Variants in RAP2A observed in about 807,000 individuals in gnomAD.
RAP2A encodes the protein ras-related protein Rap-2a.
In RAP2A, 5 loss-of-function variants were observed where a neutral mutation model predicts 15.1. The ratio of observed to expected loss-of-function variants is 0.33; its 90% CI spans 0.17 to 0.70. The LOEUF (loss-of-function observed/expected upper bound fraction) is 0.70. Ranked by LOEUF, RAP2A falls within the 30% of genes least tolerant of loss-of-function variation. RAP2A has a pLI of 0.68. For synonymous variants in RAP2A, 110 were observed against 99.7 expected, an observed-to-expected ratio of 1.10 and a Z score of -0.62; for missense variants, 111 against 240.3, an observed-to-expected ratio of 0.46 and a Z score of 3.56.
chr13:97,456,471 A>G (rs1034099913), intron 1 of RAP2A, among the ~76,000 whole-genome samples: 3 of 152,156 alleles, frequency 2.0e-5, no homozygotes, highest in Non-Finnish European at 4.4e-5. Flanking sequence ...TATCCTGGCC[A>G]CAATAGAAGT....
chr13:97,448,320 TACTA>T (rs1417762179), intron 1 of RAP2A, among the ~76,000 whole-genome samples: 2 of 152,222 alleles, frequency 1.3e-5, no homozygotes, highest in Non-Finnish European at 1.5e-5. Context: ...AGAACTGCCT[TACTA>T]ACAGACGATT....
In RAP2A at chr13:97,468,907, G is replaced by A. The variant is rs964863871; in HGVS notation, c.*4465G>A. On this transcript the variant is annotated 3_prime_UTR_variant, in exon 2 of 2. Coordinates refer to ENST00000245304, the MANE Select transcript of RAP2A (RefSeq NM_021033.7). Reference sequence around the variant, plus strand: ...ATATATGTAGCTAAAGGAGTAAGGTGCTGCCCAATTTGGAACCCAACTGAC... The same window carrying A: ...ATATATGTAGCTAAAGGAGTAAGGTACTGCCCAATTTGGAACCCAACTGAC... 1.3e-5 allele frequency: 2 copies of A among 152,168 alleles called. No homozygotes were observed. Among genetic ancestry groups the A allele is most frequent in the Non-Finnish European group, 2.9e-5 (2 of 68,032 alleles). The allele number at this position is 152,168 out of a possible 1,614,324, so 9.4% of individuals were successfully genotyped here. A position where few individuals can be genotyped will look rare whatever the true frequency, so the allele number is the denominator to read the frequency against.
chr13:97,466,230 T>C lies in RAP2A; in HGVS notation c.*1788T>C, dbSNP rs1448425167. ...GGGTGAAAAAAAAAAAAAAGATTGA[T>C]AGTATTTTTCATAATGAAAAAACTG... On this transcript the variant is annotated 3_prime_UTR_variant, in exon 2 of 2. Coordinates refer to ENST00000245304, the MANE Select transcript of RAP2A (RefSeq NM_021033.7). The C allele has an allele frequency of 6.6e-6, 1 of 151,940 alleles. No individual in the cohort carries two copies. The highest frequency in any genetic ancestry group is 1.5e-5 in the Non-Finnish European group (1 of 67,996). 9.4% of individuals were successfully genotyped at this position (151,940 alleles called of 1,614,324 possible).
chr13:97,453,866 A>G (rs931134760), intron 1 of RAP2A, among the ~76,000 whole-genome samples: 2 of 150,878 alleles, frequency 1.3e-5, no homozygotes, highest in African/African-American at 4.9e-5. Context: ...TGTTGTCACT[A>G]TTTTTTATTT....
rs1256347336 is a variant in RAP2A, at chr13:97,464,923, A to G, written c.*481A>G. 1 of 154,370 alleles carries G rather than the reference A, an allele frequency of 6.5e-6. No individual in the cohort carries two copies. The highest frequency in any genetic ancestry group is 2.4e-5 in the African/African-American group (1 of 41,490). The allele number at this position is 154,370 out of a possible 1,614,324, so 9.6% of individuals were successfully genotyped here. On this transcript the variant is annotated 3_prime_UTR_variant, in exon 2 of 2. Transcript: ENST00000245304. ...AGCTTCTAACCAATGTATTCCGTCA[A>G]GTAAGATAATAACAGCTGACCTGCC... is the stretch of plus-strand genomic sequence containing the variant.
intron 1 of RAP2A, among the ~76,000 whole-genome samples, chr13:97,460,273 G>A (rs539514207): frequency 6.6e-6 from 1 of 152,310 alleles, no homozygotes; most frequent in Non-Finnish European, 1.5e-5. Context: ...CAGCCTGTTG[G>A]ACGTTATTCT....
At chr13:97,442,644 C>A (rs1191418107) in intron 1 of RAP2A, among the ~76,000 whole-genome samples, 1 of 151,936 alleles carries the variant, frequency 6.6e-6, no homozygotes, top group South Asian at 2.1e-4. Flanking sequence ...TATTTTATTT[C>A]GTTGTTTTTA....
intron 1 of RAP2A, among the ~76,000 whole-genome samples, chr13:97,443,430 C>A (rs2066666191): frequency 6.6e-6 from 1 of 152,136 alleles, no homozygotes; most frequent in Admixed American, 6.6e-5. Flanking sequence ...TTCTGTTGCC[C>A]AGGCTGGAGT....
At chr13:97,441,488 T>C (rs1594322470) in intron 1 of RAP2A, among the ~76,000 whole-genome samples, 2 of 152,266 alleles carry the variant, frequency 1.3e-5, no homozygotes, top group East Asian at 3.9e-4. Context: ...AAATTACATA[T>C]GGCACAATAA....
At chr13:97,454,146 T>C (rs2066713310) in intron 1 of RAP2A, among the ~76,000 whole-genome samples, 1 of 151,352 alleles carries the variant, frequency 6.6e-6, no homozygotes, top group African/African-American at 2.4e-5. Flanking sequence ...TTTGATGAAA[T>C]CTAATTTGGT....
chr13:97,451,256 G>A lies in RAP2A; in HGVS notation c.315-12949G>A, dbSNP rs186674228. Among the ~76,000 whole-genome samples the A allele has an allele frequency of 6.6e-3, 1,000 of 151,914 alleles. 20 individuals carry two copies. Among genetic ancestry groups the A allele is most frequent in the Middle Eastern group, 0.017 (5 of 294 alleles). On this transcript the variant is annotated intron_variant, in intron 1 of 1. Transcript: ENST00000245304. ...GATTTTTTTTGTTTTTTTTTATTGAGGTAGAAATTTTATGCAGTAAAGTGC... is the reference window on the plus strand; with the variant it reads ...GATTTTTTTTGTTTTTTTTTATTGAAGTAGAAATTTTATGCAGTAAAGTGC...
chr13:97,453,606 G>A (rs541406073), intron 1 of RAP2A, among the ~76,000 whole-genome samples: 6 of 151,096 alleles, frequency 4.0e-5, no homozygotes, highest in African/African-American at 1.2e-4. Context: ...ATTTACTGCC[G>A]TTTGTTTACC....
chr13:97,442,933 G>T (rs534151684), intron 1 of RAP2A, among the ~76,000 whole-genome samples: 1 of 152,288 alleles, frequency 6.6e-6, no homozygotes, highest in African/African-American at 2.4e-5. Context: ...ATTTATCTCT[G>T]TTGTGCATAT....
rs2066763596 is a variant in RAP2A at position 97,464,800 on chromosome 13, C to T, written c.*358C>T. ...TAAGGGAGAAACCAGAAGAATTCCT[C>T]TGACCACTTACAATTAAAATATTTT... On this transcript the variant is annotated 3_prime_UTR_variant, in exon 2 of 2. Coordinates refer to ENST00000245304, the MANE Select transcript of RAP2A (RefSeq NM_021033.7). The T allele has an allele frequency of 5.2e-6, 1 of 193,920 alleles. No individual in the cohort carries two copies. Among genetic ancestry groups the T allele is most frequent in the East Asian group, 1.3e-4 (1 of 7,874 alleles). The allele number at this position is 193,920 out of a possible 1,614,324, so 12.0% of individuals were successfully genotyped here. A position where few individuals can be genotyped will look rare whatever the true frequency, so the allele number is the denominator to read the frequency against.
chr13:97,437,593 A>G (rs183182608), intron 1 of RAP2A: 4 of 152,364 alleles, frequency 2.6e-5, no homozygotes, highest in African/African-American at 7.2e-5. Context: ...TACCCTTGAT[A>G]TAAATGTAAT....
intron 1 of RAP2A, among the ~76,000 whole-genome samples, chr13:97,456,283 C>G (rs147422134): frequency 6.9e-6 from 1 of 143,942 alleles, no homozygotes; most frequent in African/African-American, 2.6e-5. Context: ...AAAAAAAAAA[C>G]GGGAAAACCA....
intron 1 of RAP2A, among the ~76,000 whole-genome samples, chr13:97,448,894 TGGAGA>T (rs2066690582): frequency 6.6e-6 from 1 of 152,094 alleles, no homozygotes; most frequent in African/African-American, 2.4e-5. Context: ...TATGGGGCAA[TGGAGA>T]GGAGAGAAGG....
chr13:97,466,657 T>A lies in RAP2A; in HGVS notation c.*2215T>A, dbSNP rs889917196. ...TTGCTATGCAGATGTGAAAATAGGTTAAATAATATGAAAGATATGGCAGAA... is the reference window on the plus strand; with the variant it reads ...TTGCTATGCAGATGTGAAAATAGGTAAAATAATATGAAAGATATGGCAGAA... On this transcript the variant is annotated 3_prime_UTR_variant, in exon 2 of 2. Transcript: ENST00000245304. 1 of 152,182 alleles carries A rather than the reference T, an allele frequency of 6.6e-6. No homozygotes were observed. The highest frequency in any genetic ancestry group is 1.5e-5 in the Non-Finnish European group (1 of 68,028). The allele number at this position is 152,182 out of a possible 1,614,324, so 9.4% of individuals were successfully genotyped here.
intron 1 of RAP2A, among the ~76,000 whole-genome samples, chr13:97,441,436 A>G (rs1803937413): frequency 6.6e-6 from 1 of 152,176 alleles, no homozygotes; most frequent in Admixed American, 6.6e-5. Flanking sequence ...TTTCAGTAGC[A>G]ATATACTTGA....
Sources: allele counts gnomAD v4.1 joint callset (sites outside exome capture counted in the v4.1 genomes callset), GRCh38; gene constraint gnomAD v4.1.1; transcripts MANE v1.5; gene names NCBI Gene and HGNC (gene_info 2026-07-23, HGNC 2026-07-21).